The following DHTKD1 variants were observed in gnomAD, a reference collection of about 807,000 sequenced individuals.
DHTKD1 encodes the protein 2-oxoadipate dehydrogenase complex component E1.
A neutral mutation model predicts 101.8 loss-of-function variants in DHTKD1; 78 were observed. The observed-to-expected ratio is 0.77, with a 90% CI of 0.64 to 0.93. The LOEUF (loss-of-function observed/expected upper bound fraction) is 0.93, where lower values mean the gene tolerates loss of function less well. Among genes scored for constraint, DHTKD1 ranks in the 40% least tolerant of loss-of-function variants. The pLI is 0.00. For synonymous variants in DHTKD1, 462 were observed against 450.3 expected, an observed-to-expected ratio of 1.03 and a Z score of -0.33; for missense variants, 1,223 against 1,161.7, an observed-to-expected ratio of 1.05 and a Z score of -0.77.
chr10:12,080,173 G>A (rs1052474830), intron 1 of DHTKD1, among the ~76,000 whole-genome samples: 4 of 151,874 alleles, frequency 2.6e-5, no homozygotes, highest in South Asian at 2.1e-4. Flanking sequence ...GCCTGTAGGC[G>A]CCTGTAGTCC....
chr10:12,114,896 G>C (rs997943398), intron 13 of DHTKD1, among the ~76,000 whole-genome samples: 8 of 150,966 alleles, frequency 5.3e-5, no homozygotes, highest in African/African-American at 1.5e-4. Flanking sequence ...CCCGGGTTCA[G>C]GCCATTCTCC....
chr10:12,070,867 T>G (rs982461667), intron 1 of DHTKD1, among the ~76,000 whole-genome samples: 6 of 152,194 alleles, frequency 3.9e-5, no homozygotes, highest in Non-Finnish European at 7.3e-5. Flanking sequence ...CTTGACCTCA[T>G]CTTTCTTCTT....
At chr10:12,073,983 C>T (rs551805250) in intron 1 of DHTKD1, among the ~76,000 whole-genome samples, 2 of 152,262 alleles carry the variant, frequency 1.3e-5, no homozygotes, top group Admixed American at 6.5e-5. Flanking sequence ...GGAGTGCAGG[C>T]GTGTATCTGC....
chr10:12,100,910 A>T (rs978160948), intron 9 of DHTKD1, 132 bp from the exon 10 acceptor site: 3 of 874,692 alleles, frequency 3.4e-6, no homozygotes, highest in Non-Finnish European at 5.4e-6. Context: ...ATTGGACAGC[A>T]TATATTAATA....
chr10:12,095,844 G>C (rs377060804), intron 7 of DHTKD1, among the ~76,000 whole-genome samples: 1 of 110,800 alleles, frequency 9.0e-6, no homozygotes, highest in Non-Finnish European at 2.0e-5. Context: ...GAAAAGAAAA[G>C]AAAAGAAAAA....
chr10:12,115,325 G>C (rs1374806895), intron 13 of DHTKD1, among the ~76,000 whole-genome samples: 1 of 152,066 alleles, frequency 6.6e-6, no homozygotes, highest in East Asian at 1.9e-4. Context: ...TCGAACTCCT[G>C]GCCTCAAGTG....
chr10:12,085,080 G>A (rs928410544), intron 3 of DHTKD1, among the ~76,000 whole-genome samples: 21 of 151,910 alleles, frequency 1.4e-4, no homozygotes, highest in Non-Finnish European at 2.2e-4. Flanking sequence ...AATAGCAAGG[G>A]CATAGGTCAG....
In DHTKD1 at chr10:12,085,820, G is replaced by A. The variant is rs748433662; in HGVS notation, c.522+1069G>A. ...GAGAATCTCTTGAACCCAGGAGGCGGAGGTTGCAGCGAGCCGAGATCACAC... is the reference window on the plus strand; with the variant it reads ...GAGAATCTCTTGAACCCAGGAGGCGAAGGTTGCAGCGAGCCGAGATCACAC... On this transcript the variant is annotated intron_variant, in intron 3 of 16. Transcript: ENST00000263035. Among the ~76,000 whole-genome samples, 174 of 151,834 alleles carry A rather than the reference G, an allele frequency of 1.1e-3. 2 individuals are homozygous for A. The Middle Eastern group carries it at 0.017, about 15-fold the overall frequency.
intron 10 of DHTKD1, among the ~76,000 whole-genome samples, chr10:12,102,163 C>T (rs768156668): frequency 4.6e-5 from 7 of 151,986 alleles, no homozygotes; most frequent in South Asian, 4.1e-4. Flanking sequence ...TGGTGGTTCA[C>T]GCCTGTAATC....
In DHTKD1 at chr10:12,106,356, C is replaced by T. The variant is rs1490298791; in HGVS notation, c.2007C>T (p.Phe669=). The T allele has an allele frequency of 4.3e-6, 7 of 1,614,190 alleles. No homozygotes were observed. The highest frequency in any genetic ancestry group is 1.6e-4 in the Middle Eastern group (1 of 6,062). ...PLWEAQFGDF[F]NGAQIIFDTF... is the part of the protein sequence containing the mutation. ...GGGAGGCACAGTTTGGCGATTTCTT[C>T]AATGGTGCCCAGATCATCTTTGACA... Residue 669 remains phenylalanine (F), a synonymous_variant, in exon 11 of 17, where the codon TTC becomes TTT. Transcript: ENST00000263035.
At chr10:12,120,381 T>A in intron 16 of DHTKD1, 114 bp downstream of exon 16, 1 of 863,566 alleles carries the variant, frequency 1.2e-6, no homozygotes, top group Non-Finnish European at 1.8e-6. Flanking sequence ...TTGCCCAGGC[T>A]GGAGTGCAGT....
rs1286077758 is a variant in DHTKD1 at position 12,089,201 on chromosome 10, C to T, written c.933C>T (p.Gly311=). 3.1e-6 allele frequency: 5 copies of T among 1,613,998 alleles called. No homozygotes were observed. The highest frequency in any genetic ancestry group is 2.7e-5 in the African/African-American group (2 of 74,894). The change falls in exon 5 of 17, where the codon GGC becomes GGT. Residue 311 remains glycine (G), a synonymous_variant. Coordinates refer to ENST00000263035, the MANE Select transcript of DHTKD1 (RefSeq NM_018706.7). The stretch of plus-strand genomic sequence containing the variant: ...GCAGGCAGCAGTCTCGCCAAGACGG[C>T]GATTACTCTCCAGACAACTCAGCCC... ...TRGRQQSRQD[G]DYSPDNSAQP...
At chr10:12,102,951 G>A (rs1833192956) in intron 10 of DHTKD1, among the ~76,000 whole-genome samples, 2 of 151,644 alleles carry the variant, frequency 1.3e-5, no homozygotes, top group African/African-American at 2.4e-5. Flanking sequence ...GACCTGGCAC[G>A]GTGGCTCACA....
At chr10:12,118,532 G>C (rs111729052) in intron 14 of DHTKD1, among the ~76,000 whole-genome samples, 1 of 151,718 alleles carries the variant, frequency 6.6e-6, no homozygotes, top group African/African-American at 2.4e-5. Flanking sequence ...ACAGGTGCCC[G>C]CCAGTACGCC....
chr10:12,087,844 G>T lies in DHTKD1; in HGVS notation c.717+115G>T. ...GTGATGGTGATGGCCGGGCACTGTG[G>T]CTCACACCTGCAATCCCAGCCTGTT... On this transcript the variant is annotated intron_variant, in intron 4 of 16. Transcript: ENST00000263035. This position sits in a 1 kb window ranked among gnomAD's most constrained non-coding sequence, Gnocchi z 5.2. The T allele has an allele frequency of 1.1e-6, 1 of 906,218 alleles. No homozygotes were observed. Among genetic ancestry groups the T allele is most frequent in the Non-Finnish European group, 1.6e-6 (1 of 631,540 alleles). The allele number at this position is 906,218 out of a possible 1,614,324, so 56.1% of individuals were successfully genotyped here.
intron 2 of DHTKD1, among the ~76,000 whole-genome samples, chr10:12,082,343 G>C (rs954996545): frequency 1.3e-5 from 2 of 152,028 alleles, no homozygotes; most frequent in African/African-American, 4.8e-5. Flanking sequence ...GCCTCATTCT[G>C]TTTTCTTTCC....
chr10:12,086,798 C>T (rs1832909535), intron 3 of DHTKD1, among the ~76,000 whole-genome samples: 1 of 152,150 alleles, frequency 6.6e-6, no homozygotes, highest in African/African-American at 2.4e-5. Context: ...TCAAGCAATT[C>T]TCCTGCCTCA....
chr10:12,113,444 C>T lies in DHTKD1; in HGVS notation c.2319+380C>T, dbSNP rs184845422. ...AACTCTTGACCTCAGGTGATTCGCC[C>T]GCCTCGGCCTCCCAAAGTGCTGGGA... On this transcript the variant is annotated intron_variant, in intron 13 of 16. Transcript: ENST00000263035. 6.8e-4 allele frequency among the ~76,000 whole-genome samples: 103 copies of T among 152,264 alleles called. No individual in the cohort carries two copies. The East Asian group carries it at 0.018, about 26-fold the overall frequency.
At chr10:12,078,812 G>A (rs560784767) in intron 1 of DHTKD1, among the ~76,000 whole-genome samples, 4 of 152,052 alleles carry the variant, frequency 2.6e-5, no homozygotes, top group East Asian at 3.9e-4. Context: ...CCACAGGCAC[G>A]TGCGACCACA....
Sources: allele counts gnomAD v4.1 joint callset (sites outside exome capture counted in the v4.1 genomes callset), GRCh38; gene constraint gnomAD v4.1.1; non-coding constraint Gnocchi (gnomAD v3.1); transcripts MANE v1.5; gene names NCBI Gene and HGNC (gene_info 2026-07-23, HGNC 2026-07-21).